The following KDM2B variants were observed in gnomAD, a reference collection of about 807,000 sequenced individuals.
KDM2B encodes lysine demethylase 2B, also known as lysine-specific demethylase 2B.
KDM2B carries 26 observed loss-of-function variants against 150.0 expected under a neutral mutation model. The ratio of observed to expected loss-of-function variants is 0.17; its 90% confidence interval spans 0.13 to 0.24. The LOEUF is 0.24. KDM2B is among the 10% of genes least tolerant of loss of function. The pLI is 1.00. For synonymous variants in KDM2B, 734 were observed against 729.5 expected (o/e 1.01, Z -0.10); for missense variants, 1,265 against 1,816.9 (o/e 0.70, Z 5.52).
Position 121,440,977 on chromosome 12 carries a change from C to T in KDM2B, c.3449G>A (p.Gly1150Glu), listed in dbSNP as rs1555288068. The change falls in exon 21 of 23, where the codon GGG (glycine) becomes GAG (glutamate). Residue 1150 changes from glycine to glutamate, a missense_variant and splice_region_variant. Transcript: ENST00000377071. ...GCCTGACAGCACCAAGTCCCGGAGC[C>T]CTGGGGGGACATAGAAAAGGGTGAA... ...QLSWLINRLP[G>E]LRDLVLSGCS... The T allele has an allele frequency of 1.2e-6, 2 of 1,613,568 alleles. No homozygotes were observed. The highest frequency in any genetic ancestry group is 1.7e-6 in the Non-Finnish European group (2 of 1,179,668).
At chr12:121,572,736 G>A (rs1891193292) in intron 4 of KDM2B, among the ~76,000 whole-genome samples, 1 of 151,850 alleles carries the variant, frequency 6.6e-6, no homozygotes, top group African/African-American at 2.4e-5. Flanking sequence ...TGGCCTGCGG[G>A]CGTGAACTCC....
At position 121,468,908 on chromosome 12, in the gene KDM2B, C is replaced by CT. The variant is rs1880423924; in HGVS notation, c.1735-15565_1735-15564insA. On this transcript the variant is annotated intron_variant, in intron 12 of 22. Coordinates refer to ENST00000377071, the MANE Select transcript of KDM2B (RefSeq NM_032590.5). The surrounding 1 kb of genome is among the most constrained non-coding windows in gnomAD (Gnocchi z 4.0). Reference sequence around the variant, plus strand: ...TGTTCTGAGTTTCCTTCCTTACTCTCCTTTTTTTGAGACAGACTCTCACTC... The same window carrying CT: ...TGTTCTGAGTTTCCTTCCTTACTCTCTCTTTTTTTGAGACAGACTCTCACTC... 1 of 151,774 alleles carries CT rather than the reference C, an allele frequency of 6.6e-6. No individual in the cohort carries two copies. Among genetic ancestry groups the CT allele is most frequent in the Non-Finnish European group, 1.5e-5 (1 of 67,948 alleles). 9.4% of individuals were successfully genotyped at this position (151,774 alleles called of 1,614,324 possible).
intron 11 of KDM2B, among the ~76,000 whole-genome samples, chr12:121,499,716 G>C (rs1170309152): frequency 2.0e-5 from 3 of 151,868 alleles, no homozygotes; most frequent in South Asian, 4.2e-4. Flanking sequence ...GAGAGGCCAA[G>C]GTGGACAAAT....
At chr12:121,550,695 T>C (rs1223546482) in intron 4 of KDM2B, among the ~76,000 whole-genome samples, 13 of 152,112 alleles carry the variant, frequency 8.5e-5, no homozygotes, top group African/African-American at 2.4e-4. Context: ...GGTTTCGCCA[T>C]GTTGGTCAGG....
At chr12:121,534,131 C>T (rs573435888) in intron 7 of KDM2B, among the ~76,000 whole-genome samples, 163 of 152,196 alleles carry the variant, frequency 1.1e-3, no homozygotes, top group Middle Eastern at 3.4e-3. Context: ...GGGCGGATCA[C>T]GAGGTCAGGA....
chr12:121,438,122 C>G (rs9300314), intron 22 of KDM2B, among the ~76,000 whole-genome samples: 52,132 of 151,640 alleles, frequency 0.34, 9,680 homozygotes, highest in East Asian at 0.44. Context: ...GGCATGGTGG[C>G]AGGCGCCTGT....
chr12:121,532,796 G>A lies in KDM2B; in HGVS notation c.931+10C>T, dbSNP rs375664288. ...CTCGAGGAGCCCAGAGAGTGCCCCT[G>A]GAAACCTACCGGAAGGGATGAAAAA... On this transcript the variant is annotated intron_variant, in intron 8 of 22. Coordinates refer to ENST00000377071, the MANE Select transcript of KDM2B (RefSeq NM_032590.5). 23 of 1,613,748 alleles carry A rather than the reference G, an allele frequency of 1.4e-5. No homozygotes were observed. Among genetic ancestry groups the A allele is most frequent in the East Asian group, 8.9e-5 (4 of 44,880 alleles).
At chr12:121,423,451 G>A in the KDM2B span, 14 of 1,613,256 alleles carry the variant, frequency 8.7e-6, no homozygotes, top group Middle Eastern at 1.6e-4. This position sits in a 1 kb window ranked among gnomAD's most constrained non-coding sequence, Gnocchi z 4.3. Context: ...CATGGATGCC[G>A]TCATCGACTG....
intron 11 of KDM2B, among the ~76,000 whole-genome samples, chr12:121,496,173 A>G (rs2140399269): frequency 6.6e-6 from 1 of 152,006 alleles, no homozygotes; most frequent in East Asian, 1.9e-4. Context: ...CTCTGGCACC[A>G]GACTTTCTGC....
chr12:121,484,328 G>T (rs1882507305), intron 12 of KDM2B, among the ~76,000 whole-genome samples: 2 of 152,188 alleles, frequency 1.3e-5, no homozygotes. Flanking sequence ...CTACATGGGA[G>T]AAATGGGGAA....
intron 6 of KDM2B, among the ~76,000 whole-genome samples, chr12:121,541,558 ACAAAATGTGCCC>A (rs564820556): frequency 3.8e-4 from 57 of 151,930 alleles, no homozygotes; most frequent in Non-Finnish European, 7.2e-4. Context: ...CAAAATGTAC[ACAAAATGTGCCC>A]CAAAATGTGC....
In KDM2B at chr12:121,442,256, G is replaced by C. The variant is rs1555288509; in HGVS notation, c.3185C>G (p.Ala1062Gly). 6.2e-7 allele frequency: 1 copy of C among 1,613,072 alleles called. No individual in the cohort carries two copies. The highest frequency in any genetic ancestry group is 8.5e-7 in the Non-Finnish European group (1 of 1,179,760). Reference sequence around the variant, plus strand: ...CCACACCTCCCTGTGCATGACGTGGGCTGCCCCATCGTCCAGGGGTAGCGA... The same window carrying C: ...CCACACCTCCCTGTGCATGACGTGGCCTGCCCCATCGTCCAGGGGTAGCGA... ...PDSLPLDDGAAHVMHREVWMA... is the reference protein window; with the variant it reads ...PDSLPLDDGAGHVMHREVWMA... The change falls in exon 19 of 23, where the codon GCC becomes GGC. Residue 1062 changes from alanine to glycine, a missense_variant. Physicochemically the swap from Ala to Gly is moderately conservative, Grantham distance 60 (BLOSUM62 0). Coordinates refer to ENST00000377071, the MANE Select transcript of KDM2B (RefSeq NM_032590.5). The surrounding 1 kb of genome is among the most constrained non-coding windows in gnomAD (Gnocchi z 7.7).
At chr12:121,450,845 A>T (rs1224490298) in intron 13 of KDM2B, among the ~76,000 whole-genome samples, 5 of 129,700 alleles carry the variant, frequency 3.9e-5, no homozygotes, top group South Asian at 2.7e-4. Flanking sequence ...TGGGTGACAG[A>T]GCAAGACTCC....
intron 4 of KDM2B, among the ~76,000 whole-genome samples, chr12:121,552,890 G>A (rs1055896415): frequency 1.3e-5 from 2 of 151,982 alleles, no homozygotes; most frequent in Admixed American, 6.6e-5. Context: ...ATACGTGGGC[G>A]CCACTCAGAT....
At chr12:121,434,500 CAAAAAAAA>C (rs1166374523) in intron 22 of KDM2B, among the ~76,000 whole-genome samples, 7 of 62,282 alleles carry the variant, frequency 1.1e-4, no homozygotes, top group Non-Finnish European at 2.4e-4. Flanking sequence ...GACTCTCTAT[CAAAAAAAA>C]AAAAAAAAAA....
In KDM2B at chr12:121,495,271, C is replaced by T. The variant is rs1201093112; in HGVS notation, c.1648-606G>A. 2.6e-5 allele frequency among the ~76,000 whole-genome samples: 4 copies of T among 152,060 alleles called. No individual in the cohort carries two copies. The East Asian group carries it at 7.7e-4, about 29-fold the overall frequency. On this transcript the variant is annotated intron_variant, in intron 11 of 22. Coordinates refer to ENST00000377071, the MANE Select transcript of KDM2B (RefSeq NM_032590.5). ...TGCCTCTTGGGTTCAAGCGATTTCCCTGCCCCAGCCTCCCGAGTAGCTGTG... is the reference window on the plus strand; with the variant it reads ...TGCCTCTTGGGTTCAAGCGATTTCCTTGCCCCAGCCTCCCGAGTAGCTGTG...
At chr12:121,419,101 C>G in the KDM2B span, among the ~76,000 whole-genome samples, 1 of 152,146 alleles carries the variant, frequency 6.6e-6, no homozygotes, top group Non-Finnish European at 1.5e-5. Flanking sequence ...ATGTTTTGGT[C>G]AGTGATAGAC....
Position 121,579,692 on chromosome 12 carries a change from CT to C in KDM2B, c.127-747del, listed in dbSNP as rs1891797929. ...CTCCCCCACCACTCCCCGCATCCCCCTGCCTCCTCCCTCCACCGCCCAGCGC... is the reference window on the plus strand; with the variant it reads ...CTCCCCCACCACTCCCCGCATCCCCCGCCTCCTCCCTCCACCGCCCAGCGC... On this transcript the variant is annotated intron_variant, in intron 1 of 22. Transcript: ENST00000377071. 13 of 1,415,676 alleles carry C rather than the reference CT, an allele frequency of 9.2e-6. 2 individuals are homozygous for C. The Middle Eastern group carries it at 2.4e-3, about 260-fold the overall frequency. 87.7% of individuals were successfully genotyped at this position (1,415,676 alleles called of 1,614,324 possible).
intron 12 of KDM2B, among the ~76,000 whole-genome samples, chr12:121,473,807 A>G (rs566406888): frequency 6.6e-6 from 1 of 152,268 alleles, no homozygotes; most frequent in East Asian, 1.9e-4. Context: ...TTTTATTCAC[A>G]ATAGCCACAG....
Sources: gnomAD v4.1 joint callset for allele counts (sites outside exome capture counted in the v4.1 genomes callset) on GRCh38, gnomAD v4.1.1 for gene constraint, Gnocchi (gnomAD v3.1) non-coding constraint, MANE v1.5 for transcripts, NCBI Gene and HGNC (gene_info 2026-07-23, HGNC 2026-07-21) for gene names.